The following ZNF385D variants were observed in gnomAD, a reference collection of about 807,000 sequenced individuals.
ZNF385D encodes the protein zinc finger protein 385D, also known as zinc finger protein 659.
In ZNF385D, 15 loss-of-function variants were observed where a neutral mutation model predicts 35.8. The ratio of observed to expected loss-of-function variants is 0.42; its 90% CI spans 0.28 to 0.64. The LOEUF is 0.64. Among genes scored for constraint, ZNF385D ranks in the 30% least tolerant of loss-of-function variants. The pLI is 0.23. For missense variants in ZNF385D, 474 were observed against 494.6 expected, an observed-to-expected ratio of 0.96 and a Z score of 0.39; for synonymous variants, 212 against 186.8, an observed-to-expected ratio of 1.13 and a Z score of -1.10.
At chr3:21,942,370 G>C (rs1360674979) in intron 3 of ZNF385D, among the ~76,000 whole-genome samples, 3 of 152,244 alleles carry the variant, frequency 2.0e-5, no homozygotes, top group African/African-American at 7.2e-5. Flanking sequence ...CTAATTTCTA[G>C]TGAGTCATCC....
At chr3:22,220,885 T>C (rs2728986) in intron 2 of ZNF385D, among the ~76,000 whole-genome samples, 59,536 of 152,106 alleles carry the variant, frequency 0.39, 14,040 homozygotes, top group East Asian at 0.73. Flanking sequence ...AAAAGTATGA[T>C]ATACTTATAT....
intron 4 of ZNF385D, among the ~76,000 whole-genome samples, chr3:21,444,857 A>G (rs1273927020): frequency 6.6e-6 from 1 of 152,200 alleles, no homozygotes; most frequent in Non-Finnish European, 1.5e-5. Flanking sequence ...TAAACAGATT[A>G]CAGAAGCAGG....
chr3:22,264,266 A>G (rs914619324), intron 2 of ZNF385D, among the ~76,000 whole-genome samples: 2 of 152,076 alleles, frequency 1.3e-5, no homozygotes, highest in Non-Finnish European at 2.9e-5. Flanking sequence ...AGAAAAAACC[A>G]GCAGCTACTT....
chr3:21,752,051 A>T (rs992570747), upstream of ZNF385D, among the ~76,000 whole-genome samples: 2 of 125,908 alleles, frequency 1.6e-5, no homozygotes, highest in Non-Finnish European at 3.2e-5. Flanking sequence ...CGCTCTCATT[A>T]AATTTGAGAT....
intron 3 of ZNF385D, among the ~76,000 whole-genome samples, chr3:21,555,951 C>G (rs1015813680): frequency 6.6e-6 from 1 of 151,904 alleles, no homozygotes; most frequent in Admixed American, 6.6e-5. Context: ...ATTTGCATTT[C>G]TCTAGTGACC....
At chr3:22,202,143 T>C (rs891186219) in intron 2 of ZNF385D, among the ~76,000 whole-genome samples, 3 of 152,108 alleles carry the variant, frequency 2.0e-5, no homozygotes, top group Non-Finnish European at 4.4e-5. Context: ...TTAAAATCTA[T>C]GTATTCATAG....
At chr3:22,258,931 T>A (rs1700463822) in intron 2 of ZNF385D, among the ~76,000 whole-genome samples, 1 of 151,842 alleles carries the variant, frequency 6.6e-6, no homozygotes, top group African/African-American at 2.4e-5. Flanking sequence ...ACTAGTCTCC[T>A]GAGGGCATGT....
intron 2 of ZNF385D, among the ~76,000 whole-genome samples, chr3:22,326,994 A>G (rs1240817134): frequency 6.6e-6 from 1 of 152,226 alleles, no homozygotes; most frequent in African/African-American, 2.4e-5. Context: ...GCTTTGGGTC[A>G]TTAACTCCTC....
chr3:21,966,972 G>A (rs948177145), intron 3 of ZNF385D, among the ~76,000 whole-genome samples: 8 of 152,060 alleles, frequency 5.3e-5, no homozygotes, highest in African/African-American at 1.9e-4. Flanking sequence ...TGAGTTTTGT[G>A]TGTGTTACAG....
At chr3:21,884,300 G>C (rs952427563) in intron 3 of ZNF385D, among the ~76,000 whole-genome samples, 1 of 151,934 alleles carries the variant, frequency 6.6e-6, no homozygotes, top group South Asian at 2.1e-4. Flanking sequence ...GCAAACAGTA[G>C]ACAACTCTGA....
chr3:21,510,228 G>C (rs1707098474), intron 4 of ZNF385D, among the ~76,000 whole-genome samples: 1 of 152,126 alleles, frequency 6.6e-6, no homozygotes, highest in Non-Finnish European at 1.5e-5. Context: ...TTATGAATAA[G>C]CTGGTCGTTG....
At chr3:21,712,078 G>T (rs1283101548) in intron 1 of ZNF385D, among the ~76,000 whole-genome samples, 2 of 141,036 alleles carry the variant, frequency 1.4e-5, no homozygotes, top group Non-Finnish European at 3.0e-5. Context: ...GGCCTCTTCT[G>T]CTACCAGCTA....
At chr3:22,087,786 GA>G (rs1701122590) in intron 3 of ZNF385D, among the ~76,000 whole-genome samples, 1 of 152,030 alleles carries the variant, frequency 6.6e-6, no homozygotes, top group Admixed American at 6.6e-5. Context: ...TTAATAATGG[GA>G]AAAAGAAGAT....
chr3:21,851,054 AGG>A (rs1696351952), intron 3 of ZNF385D, among the ~76,000 whole-genome samples: 1 of 152,072 alleles, frequency 6.6e-6, no homozygotes, highest in Admixed American at 6.6e-5. Context: ...ATAAAATCAA[AGG>A]ACAAGGATTT....
At chr3:21,640,623 C>A (rs1201145824) in intron 2 of ZNF385D, among the ~76,000 whole-genome samples, 1 of 152,086 alleles carries the variant, frequency 6.6e-6, no homozygotes, top group Non-Finnish European at 1.5e-5. Context: ...CATCTACAAG[C>A]CAGGAGGAAG....
chr3:22,291,969 A>C (rs1407114388), intron 2 of ZNF385D, among the ~76,000 whole-genome samples: 2 of 152,022 alleles, frequency 1.3e-5, no homozygotes, highest in Non-Finnish European at 2.9e-5. Flanking sequence ...ATAATCTAGA[A>C]CTGGTTAATC....
At chr3:22,123,454 A>G (rs1303996629) in intron 3 of ZNF385D, among the ~76,000 whole-genome samples, 1 of 152,236 alleles carries the variant, frequency 6.6e-6, no homozygotes, top group African/African-American at 2.4e-5. Context: ...TAATCACACC[A>G]CGGTAAATGG....
In ZNF385D at chr3:21,799,070, G is replaced by A. The variant is rs1041178645; in HGVS notation, c.326-134042C>T. 7.9e-5 allele frequency among the ~76,000 whole-genome samples: 12 copies of A among 152,082 alleles called. No individual in the cohort carries two copies. The East Asian group carries it at 2.1e-3, about 27-fold the overall frequency. On this transcript the variant is annotated intron_variant, in intron 3 of 5. Coordinates refer to the ZNF385D transcript ENST00000494108. ...AACTATACAGTACGTGACCTTTTGT[G>A]TCTGACGTAATTCACTTAGCATGTT...
At chr3:21,554,356 G>C (rs2125608443) in intron 3 of ZNF385D, among the ~76,000 whole-genome samples, 1 of 152,132 alleles carries the variant, frequency 6.6e-6, no homozygotes, top group East Asian at 1.9e-4. Context: ...CTTTTTTTCT[G>C]AGCAATAAAT....
Sources: gnomAD v4.1 joint callset for allele counts (sites outside exome capture counted in the v4.1 genomes callset) on GRCh38, gnomAD v4.1.1 for gene constraint, MANE v1.5 for transcripts, NCBI Gene and HGNC (gene_info 2026-07-23, HGNC 2026-07-21) for gene names.